The following KCNH7 variants were observed in gnomAD, a reference collection of about 807,000 sequenced individuals.
The protein encoded by KCNH7 is voltage-gated inwardly rectifying potassium channel KCNH7.
KCNH7 carries 49 observed loss-of-function variants against 120.8 expected under a neutral mutation model. The ratio of observed to expected loss-of-function variants is 0.41; its 90% CI spans 0.32 to 0.51. The LOEUF is 0.51. Ranked by LOEUF, KCNH7 falls within the 20% of genes least tolerant of loss-of-function variation. KCNH7 has a pLI of 0.38. For missense variants in KCNH7, 1,097 were observed against 1,446.6 expected (o/e 0.76, Z 3.92); for synonymous variants, 547 against 516.1 (o/e 1.06, Z -0.81).
chr2:162,830,148 G>T (rs1266527796), intron 2 of KCNH7, among the ~76,000 whole-genome samples: 1 of 152,156 alleles, frequency 6.6e-6, no homozygotes, highest in Non-Finnish European at 1.5e-5. Flanking sequence ...GAAGTCTTTT[G>T]ATCTGTCTTT....
intron 2 of KCNH7, among the ~76,000 whole-genome samples, chr2:162,776,191 A>T (rs79045988): frequency 0.011 from 1,719 of 152,274 alleles, 49 homozygotes; most frequent in Admixed American, 0.05. Flanking sequence ...TGGTGCTAGG[A>T]ATATAAATGA....
intron 2 of KCNH7, among the ~76,000 whole-genome samples, chr2:162,643,804 C>CAAAAAAAAAAAA (rs781089376): frequency 1.1e-5 from 1 of 90,436 alleles, no homozygotes; most frequent in African/African-American, 4.7e-5. Context: ...GACTCTATCT[C>CAAAAAAAAAAAA]AAAAAAAAAA....
intron 2 of KCNH7, among the ~76,000 whole-genome samples, chr2:162,622,103 G>T (rs768719564): frequency 6.6e-6 from 1 of 152,222 alleles, no homozygotes; most frequent in South Asian, 2.1e-4. Context: ...CTGCAGAAAG[G>T]CTTAAATTAA....
rs1340657046 is a variant in KCNH7, at chr2:162,577,361, CTAT to C, written c.308-40284_308-40282del. On this transcript the variant is annotated intron_variant, in intron 2 of 15. Coordinates refer to ENST00000332142, the MANE Select transcript of KCNH7 (RefSeq NM_033272.4). ...TCATCTATCCATCCTATCTATCTAT[CTAT>C]CTATCTATCTATCTATCTATCTATC... Among the ~76,000 whole-genome samples the C allele has an allele frequency of 6.6e-3, 539 of 81,666 alleles. 3 individuals are homozygous for C. Among genetic ancestry groups the C allele is most frequent in the Middle Eastern group, 0.05 (6 of 120 alleles). 53.6% of individuals were successfully genotyped at this position (81,666 alleles called of 152,430 possible).
chr2:162,486,259 C>T (rs2105698070), intron 6 of KCNH7, among the ~76,000 whole-genome samples: 1 of 152,206 alleles, frequency 6.6e-6, no homozygotes, highest in South Asian at 2.1e-4. Context: ...GATGAGGGGG[C>T]AGAAAAGGAA....
chr2:162,603,910 T>C (rs1299420271), intron 2 of KCNH7, among the ~76,000 whole-genome samples: 3 of 152,278 alleles, frequency 2.0e-5, no homozygotes, highest in African/African-American at 7.2e-5. Flanking sequence ...TCATTTGTTA[T>C]AGATGGTAGA....
At chr2:162,483,077 A>C (rs943980008) in intron 6 of KCNH7, among the ~76,000 whole-genome samples, 1 of 152,176 alleles carries the variant, frequency 6.6e-6, no homozygotes, top group African/African-American at 2.4e-5. Context: ...TAAAGAAATA[A>C]AAGTGGAATG....
chr2:162,560,811 T>C (rs10439257), intron 2 of KCNH7, among the ~76,000 whole-genome samples: 76,844 of 151,828 alleles, frequency 0.51, 19,628 homozygotes, highest in Admixed American at 0.61. Context: ...CAAATACTTG[T>C]GATTTAAAAG....
At chr2:162,575,192 C>T (rs1186059495) in intron 2 of KCNH7, among the ~76,000 whole-genome samples, 2 of 151,988 alleles carry the variant, frequency 1.3e-5, no homozygotes, top group South Asian at 4.2e-4. Context: ...GCGTGTAAAG[C>T]CTTCTATTTG....
intron 2 of KCNH7, among the ~76,000 whole-genome samples, chr2:162,700,702 TTG>T (rs1440028210): frequency 2.6e-5 from 4 of 152,232 alleles, no homozygotes; most frequent in African/African-American, 4.8e-5. Context: ...TTCTTAGTGA[TTG>T]TGTCAGAGGT....
chr2:162,433,787 A>G (rs1688148018), intron 8 of KCNH7, among the ~76,000 whole-genome samples: 1 of 152,054 alleles, frequency 6.6e-6, no homozygotes, highest in Non-Finnish European at 1.5e-5. Flanking sequence ...AGGGAAATAT[A>G]AATTAGTTCA....
chr2:162,831,165 A>C (rs1685463900), intron 2 of KCNH7, among the ~76,000 whole-genome samples: 1 of 152,144 alleles, frequency 6.6e-6, no homozygotes, highest in Non-Finnish European at 1.5e-5. Flanking sequence ...TCTGGGCTTC[A>C]GTGTTATTTC....
At chr2:162,752,957 AG>A (rs1688635004) in intron 2 of KCNH7, among the ~76,000 whole-genome samples, 2 of 112,608 alleles carry the variant, frequency 1.8e-5, no homozygotes, top group South Asian at 2.5e-4. Flanking sequence ...AGAAAAGAAA[AG>A]AAAAGAAAAG....
At chr2:162,513,649 C>A (rs1316906386) in intron 4 of KCNH7, among the ~76,000 whole-genome samples, 1 of 151,524 alleles carries the variant, frequency 6.6e-6, no homozygotes, top group African/African-American at 2.4e-5. Context: ...TGCCTGGCTC[C>A]ACTCTGCCTA....
At chr2:162,404,520 G>C (rs963038383) in intron 9 of KCNH7, among the ~76,000 whole-genome samples, 7 of 151,890 alleles carry the variant, frequency 4.6e-5, no homozygotes, top group African/African-American at 1.7e-4. Context: ...GTTTGGTGCT[G>C]TCTTCATGAT....
chr2:162,518,527 A>G (rs73022643), intron 3 of KCNH7, among the ~76,000 whole-genome samples: 12,168 of 151,904 alleles, frequency 0.08, 522 homozygotes, highest in East Asian at 0.12. Context: ...CTAAGGCATC[A>G]TAAGTCCAGG....
rs78417201 is a variant in KCNH7, at chr2:162,506,702, C to T, written c.914-2045G>A. ...AAATTTGGCTAAATTCACGGATCAT[C>T]GATGTCATCACCGATTCTACAATGT... is the stretch of plus-strand genomic sequence containing the variant. On this transcript the variant is annotated intron_variant, in intron 5 of 15. Transcript: ENST00000332142. Among the ~76,000 whole-genome samples, 873 of 151,802 alleles carry T rather than the reference C, an allele frequency of 5.8e-3. 13 individuals are homozygous for T. The highest frequency in any genetic ancestry group is 0.02 in the African/African-American group (810 of 41,510).
chr2:162,409,275 T>C (rs1450713671), intron 9 of KCNH7, among the ~76,000 whole-genome samples: 2 of 151,906 alleles, frequency 1.3e-5, no homozygotes, highest in Admixed American at 6.6e-5. Context: ...CAGAAAATAT[T>C]ATTTTATAAA....
intron 12 of KCNH7, among the ~76,000 whole-genome samples, chr2:162,388,973 C>T (rs1686661419): frequency 1.3e-5 from 2 of 151,874 alleles, no homozygotes. Flanking sequence ...AAGTTTTCTT[C>T]CCTACTCTTA....
Sources: gnomAD v4.1 joint callset for allele counts (sites outside exome capture counted in the v4.1 genomes callset) on GRCh38, gnomAD v4.1.1 for gene constraint, MANE v1.5 for transcripts, NCBI Gene and HGNC (gene_info 2026-07-23, HGNC 2026-07-21) for gene names.